Variants in TANC2 observed in about 807,000 individuals in gnomAD.
TANC2 encodes the protein protein TANC2.
Under a neutral mutation model 210.5 loss-of-function variants are expected in TANC2, and 26 were observed. That is an observed-to-expected ratio of 0.12 (90% CI 0.09 to 0.17). TANC2 has a LOEUF of 0.17. Among genes scored for constraint, TANC2 ranks in the 10% least tolerant of loss-of-function variants. The probability of loss-of-function intolerance (pLI) is 1.00; values close to 1 mark genes in which losing one functional copy is unlikely to be tolerated. For missense variants in TANC2, 2,129 were observed against 2,608.9 expected, an observed-to-expected ratio of 0.82 and a Z score of 4.01; for synonymous variants, 931 against 967.1, an observed-to-expected ratio of 0.96 and a Z score of 0.69.
At chr17:62,986,391 G>A (rs991415616) in intron 1 of TANC2, among the ~76,000 whole-genome samples, 1 of 152,166 alleles carries the variant, frequency 6.6e-6, no homozygotes, top group African/African-American at 2.4e-5. Flanking sequence ...TGCCCAGGAT[G>A]CAAGCACACA....
intron 21 of TANC2, among the ~76,000 whole-genome samples, chr17:63,407,092 A>C (rs186153116): frequency 6.6e-6 from 1 of 152,376 alleles, no homozygotes; most frequent in Admixed American, 6.5e-5. Context: ...AGGCCAGAGC[A>C]GCTGAGGGTA....
At chr17:63,216,818 A>G (rs1000189484) in intron 7 of TANC2, among the ~76,000 whole-genome samples, 4 of 152,212 alleles carry the variant, frequency 2.6e-5, no homozygotes, top group Non-Finnish European at 5.9e-5. Context: ...ACCAAGACAT[A>G]CCATATTCTG....
intron 4 of TANC2, among the ~76,000 whole-genome samples, chr17:63,115,270 A>T (rs778633028): frequency 2.0e-5 from 3 of 152,206 alleles, no homozygotes; most frequent in African/African-American, 7.2e-5. Flanking sequence ...CAAGTCAAAC[A>T]TAATAGCTCA....
intron 7 of TANC2, among the ~76,000 whole-genome samples, chr17:63,203,454 C>T (rs1267992633): frequency 1.3e-4 from 20 of 152,082 alleles, no homozygotes; most frequent in Admixed American, 1.3e-3. Context: ...ATGAGACATT[C>T]TGTATTTTGA....
chr17:63,155,067 G>A (rs374683168), intron 5 of TANC2: 8 of 152,110 alleles, frequency 5.3e-5, no homozygotes, highest in African/African-American at 1.9e-4. Context: ...TCTGGTTGGT[G>A]GCATTACAGG....
chr17:63,373,234 C>T (rs888556094), intron 14 of TANC2, among the ~76,000 whole-genome samples: 2 of 152,104 alleles, frequency 1.3e-5, no homozygotes, highest in Admixed American at 6.6e-5. Context: ...CATAGTTGTG[C>T]TCTGTCATGC....
At chr17:63,124,683 A>G (rs1467565082) in intron 4 of TANC2, among the ~76,000 whole-genome samples, 1 of 152,218 alleles carries the variant, frequency 6.6e-6, no homozygotes, top group Non-Finnish European at 1.5e-5. Context: ...GCTGCAGACT[A>G]GTACCAGTCC....
chr17:63,036,665 G>A (rs1229337423), intron 2 of TANC2, among the ~76,000 whole-genome samples: 2 of 152,022 alleles, frequency 1.3e-5, no homozygotes, highest in Non-Finnish European at 2.9e-5. Flanking sequence ...ATTTGGGGTG[G>A]AATTACATTA....
At chr17:63,039,613 C>G (rs2035104504) in intron 2 of TANC2, among the ~76,000 whole-genome samples, 1 of 152,130 alleles carries the variant, frequency 6.6e-6, no homozygotes, top group Non-Finnish European at 1.5e-5. Flanking sequence ...AATGGTGCAG[C>G]ACGTACAGGG....
At chr17:63,201,606 G>C (rs1019785296) in intron 7 of TANC2, among the ~76,000 whole-genome samples, 1 of 149,592 alleles carries the variant, frequency 6.7e-6, no homozygotes, top group African/African-American at 2.5e-5. Flanking sequence ...TTTTCCCCTC[G>C]TGAATTTTCT....
At chr17:63,366,162 A>G (rs1465870932) in intron 14 of TANC2, among the ~76,000 whole-genome samples, 1 of 152,134 alleles carries the variant, frequency 6.6e-6, no homozygotes. Context: ...ACAACTCAAC[A>G]GATAGTATCT....
intron 7 of TANC2, among the ~76,000 whole-genome samples, chr17:63,215,502 C>G (rs1383251761): frequency 2.6e-5 from 4 of 151,924 alleles, no homozygotes; most frequent in Non-Finnish European, 5.9e-5. Context: ...ACTTTTAGCC[C>G]CACTCCAGAC....
intron 5 of TANC2, among the ~76,000 whole-genome samples, chr17:63,187,363 A>T (rs1286106836): frequency 6.6e-6 from 1 of 152,200 alleles, no homozygotes; most frequent in Admixed American, 6.5e-5. Flanking sequence ...GGGCAGTTTG[A>T]TGATTAAATT....
chr17:63,074,843 TGA>T (rs1245232823), intron 3 of TANC2, among the ~76,000 whole-genome samples: 3 of 152,182 alleles, frequency 2.0e-5, no homozygotes, highest in Admixed American at 6.5e-5. Flanking sequence ...AATCATTTAT[TGA>T]GTTTGGTTTT....
chr17:63,197,396 A>G (rs2041380527), intron 6 of TANC2, among the ~76,000 whole-genome samples: 1 of 152,192 alleles, frequency 6.6e-6, no homozygotes, highest in South Asian at 2.1e-4. Flanking sequence ...AAGTGGCTAA[A>G]TTGATCATTT....
At chr17:63,031,018 T>G (rs1439484509) in intron 2 of TANC2, among the ~76,000 whole-genome samples, 2 of 152,068 alleles carry the variant, frequency 1.3e-5, no homozygotes, top group African/African-American at 4.8e-5. Context: ...GCTTACCACT[T>G]CGAAGATCTT....
chr17:63,330,143 C>G (rs1598866690), intron 11 of TANC2, among the ~76,000 whole-genome samples: 1 of 152,162 alleles, frequency 6.6e-6, no homozygotes, highest in African/African-American at 2.4e-5. Context: ...AAGCCAAAGC[C>G]TAATCCAGAG....
chr17:63,089,440 G>C (rs2037099200), intron 3 of TANC2, among the ~76,000 whole-genome samples: 1 of 152,186 alleles, frequency 6.6e-6, no homozygotes, highest in Admixed American at 6.5e-5. Context: ...AATTGAGGGG[G>C]AAAGTGGGAA....
At chr17:63,092,775 C>T (rs1370739322) in intron 3 of TANC2, among the ~76,000 whole-genome samples, 9 of 152,056 alleles carry the variant, frequency 5.9e-5, no homozygotes, top group South Asian at 4.2e-4. Flanking sequence ...GATCCCCCTC[C>T]GGCCATCATC....
Sources: gnomAD v4.1 joint callset for allele counts (sites outside exome capture counted in the v4.1 genomes callset) on GRCh38, gnomAD v4.1.1 for gene constraint, MANE v1.5 for transcripts, NCBI Gene and HGNC (gene_info 2026-07-23, HGNC 2026-07-21) for gene names.